The following TASP1 variants were observed in gnomAD, a reference collection of about 807,000 sequenced individuals.
TASP1 encodes the protein taspase 1.
TASP1 carries 16 observed loss-of-function variants against 56.6 expected under a neutral mutation model. That is an observed-to-expected ratio of 0.28 (90% CI 0.19 to 0.43). TASP1 has a LOEUF of 0.43. Among genes scored for constraint, TASP1 ranks in the 20% least tolerant of loss-of-function variants. TASP1 has a pLI of 1.00. For synonymous variants in TASP1, 179 were observed against 184.2 expected, an observed-to-expected ratio of 0.97 and a Z score of 0.23; for missense variants, 393 against 511.6, an observed-to-expected ratio of 0.77 and a Z score of 2.24.
intron 11 of TASP1, among the ~76,000 whole-genome samples, chr20:13,449,763 C>T (rs1388066316): frequency 1.3e-5 from 2 of 152,090 alleles, no homozygotes; most frequent in African/African-American, 4.8e-5. Context: ...TCTAGAAATA[C>T]TGCAATGTTT....
the TASP1 span, among the ~76,000 whole-genome samples, chr20:13,280,850 G>A: frequency 6.2e-4 from 95 of 152,342 alleles, 3 homozygotes; most frequent in South Asian, 0.018. Flanking sequence ...GCCAGATTTT[G>A]TGGGGAATCA....
At chr20:13,235,808 C>A in the TASP1 span, among the ~76,000 whole-genome samples, 3 of 152,230 alleles carry the variant, frequency 2.0e-5, no homozygotes, top group African/African-American at 7.2e-5. Context: ...AAGCCTGCGA[C>A]CACTTTCCCT....
chr20:13,406,969 T>C (rs986712272), intron 13 of TASP1, among the ~76,000 whole-genome samples: 3 of 152,134 alleles, frequency 2.0e-5, no homozygotes, highest in Non-Finnish European at 2.9e-5. Context: ...CCCGGCTATT[T>C]TGAGGTTTTT....
At chr20:13,637,352 TAG>T (rs2049345736) in intron 1 of TASP1, among the ~76,000 whole-genome samples, 1 of 152,154 alleles carries the variant, frequency 6.6e-6, no homozygotes, top group African/African-American at 2.4e-5. Flanking sequence ...AAGTTAAACA[TAG>T]AGTTACCATA....
At chr20:13,158,764 G>A in the TASP1 span, among the ~76,000 whole-genome samples, 1 of 152,196 alleles carries the variant, frequency 6.6e-6, no homozygotes, top group African/African-American at 2.4e-5. Flanking sequence ...GGGTCCTGCA[G>A]TCTCCATTGC....
At chr20:13,343,765 T>C in the TASP1 span, among the ~76,000 whole-genome samples, 105 of 152,314 alleles carry the variant, frequency 6.9e-4, no homozygotes, top group Middle Eastern at 3.4e-3. Context: ...CGCCAAGCAT[T>C]GGCTGCGGGT....
downstream of TASP1, among the ~76,000 whole-genome samples, chr20:13,385,490 G>A (rs1026453449): frequency 5.9e-5 from 9 of 152,246 alleles, no homozygotes; most frequent in African/African-American, 1.9e-4. Flanking sequence ...CACATGTCAG[G>A]AGGAGAGCCC....
At chr20:13,238,339 A>G in the TASP1 span, among the ~76,000 whole-genome samples, 2 of 152,156 alleles carry the variant, frequency 1.3e-5, no homozygotes, top group Non-Finnish European at 2.9e-5. Flanking sequence ...ATGAGAGGCA[A>G]TCTACTTCAA....
chr20:13,107,213 T>A, the TASP1 span, among the ~76,000 whole-genome samples: 1 of 152,104 alleles, frequency 6.6e-6, no homozygotes, highest in African/African-American at 2.4e-5. Flanking sequence ...ATTTCGAGAA[T>A]CTGCATTTTA....
At chr20:13,323,296 AAAGG>A in the TASP1 span, among the ~76,000 whole-genome samples, 1 of 152,198 alleles carries the variant, frequency 6.6e-6, no homozygotes, top group Non-Finnish European at 1.5e-5. Flanking sequence ...GGACTGGTCC[AAAGG>A]AAGGGAGGTC....
chr20:13,566,051 A>T (rs1336735878), intron 7 of TASP1, among the ~76,000 whole-genome samples: 1 of 152,214 alleles, frequency 6.6e-6, no homozygotes, highest in African/African-American at 2.4e-5. Flanking sequence ...ACATGGATGA[A>T]CCTTGAAGAA....
chr20:13,155,241 A>T, the TASP1 span, among the ~76,000 whole-genome samples: 1 of 152,124 alleles, frequency 6.6e-6, no homozygotes, highest in Non-Finnish European at 1.5e-5. Context: ...GTTTATTTTT[A>T]TCTCTGACCA....
At position 13,630,066 on chromosome 20, in the gene TASP1, T is replaced by G; in HGVS notation, c.13A>C (p.Lys5Gln). The G allele has an allele frequency of 6.2e-7, 1 of 1,612,568 alleles. No homozygotes were observed. Among genetic ancestry groups the G allele is most frequent in the Non-Finnish European group, 8.5e-7 (1 of 1,179,614 alleles). MTME[K>Q]GMSSGEGLPS... Reference sequence around the variant, plus strand: ...AGCCCTTCTCCAGAACTCATCCCCTTCTCCATGGTCATTCTCCAAGATTAC... The same window carrying G: ...AGCCCTTCTCCAGAACTCATCCCCTGCTCCATGGTCATTCTCCAAGATTAC... The change falls in exon 2 of 14, where the codon AAG (lysine) becomes CAG (glutamine). Residue 5 changes from lysine (K) to glutamine (Q), a missense_variant. Transcript: ENST00000337743.
chr20:13,349,937 G>A, the TASP1 span, among the ~76,000 whole-genome samples: 737 of 152,300 alleles, frequency 4.8e-3, 8 homozygotes, highest in African/African-American at 0.017. Context: ...GATCTCTTGA[G>A]CCCAGGAGTT....
At chr20:13,228,008 A>C in the TASP1 span, among the ~76,000 whole-genome samples, 1 of 134,642 alleles carries the variant, frequency 7.4e-6, no homozygotes, top group African/African-American at 2.8e-5. Flanking sequence ...TCTGTTGCCC[A>C]GGCTGGAGTC....
chr20:13,311,788 G>A, the TASP1 span, among the ~76,000 whole-genome samples: 24 of 152,128 alleles, frequency 1.6e-4, no homozygotes, highest in South Asian at 4.1e-4. Flanking sequence ...CTTGGGAGGC[G>A]TAAAGGGGTG....
chr20:13,126,011 C>T, the TASP1 span, among the ~76,000 whole-genome samples: 1 of 151,792 alleles, frequency 6.6e-6, no homozygotes, highest in Non-Finnish European at 1.5e-5. Context: ...CTTCTGCCAC[C>T]CTCCCTCCAC....
chr20:13,529,867 T>C (rs1004515744), intron 9 of TASP1, among the ~76,000 whole-genome samples: 1 of 152,106 alleles, frequency 6.6e-6, no homozygotes, highest in African/African-American at 2.4e-5. Context: ...AGAGCGGGAA[T>C]CTCCATGAAA....
At chr20:13,387,000 C>T (rs928855889), downstream of TASP1, among the ~76,000 whole-genome samples, 1 of 151,958 alleles carries the variant, frequency 6.6e-6, no homozygotes, top group Admixed American at 6.6e-5. Context: ...GGTGGTTTTT[C>T]AATTCTTACC....
Sources: gnomAD v4.1 joint callset for allele counts (sites outside exome capture counted in the v4.1 genomes callset) on GRCh38, gnomAD v4.1.1 for gene constraint, MANE v1.5 for transcripts, NCBI Gene and HGNC (gene_info 2026-07-23, HGNC 2026-07-21) for gene names.